SLC2A9: variants seen among roughly 807,000 people sequenced by gnomAD.
The protein encoded by SLC2A9 is solute carrier family 2 member 9, also known as solute carrier family 2, facilitated glucose transporter member 9.
In SLC2A9, 39 loss-of-function variants were observed where a neutral mutation model predicts 50.6. The observed-to-expected ratio is 0.77, with a 90% confidence interval of 0.60 to 1.01. The LOEUF (loss-of-function observed/expected upper bound fraction) is 1.01. Ranked by LOEUF, SLC2A9 falls within the 50% of genes least tolerant of loss-of-function variation. The pLI, the probability that SLC2A9 is intolerant of heterozygous loss-of-function variation, is 0.00. For synonymous variants in SLC2A9, 324 were observed against 276.9 expected, an observed-to-expected ratio of 1.17 and a Z score of -1.69; for missense variants, 686 against 677.6, an observed-to-expected ratio of 1.01 and a Z score of -0.14.
chr4:10,011,693 G>C (rs976236841), intron 2 of SLC2A9, among the ~76,000 whole-genome samples: 5 of 152,230 alleles, frequency 3.3e-5, no homozygotes, highest in Non-Finnish European at 7.3e-5. Context: ...TAAGTAGATG[G>C]ATAGACAGAA....
chr4:9,899,135 G>A (rs891802200), intron 8 of SLC2A9, among the ~76,000 whole-genome samples: 9 of 152,180 alleles, frequency 5.9e-5, no homozygotes, highest in Non-Finnish European at 1.3e-4. Flanking sequence ...GGCAAGATGT[G>A]GCCCAGATGA....
At chr4:9,975,397 T>C (rs1219208664) in intron 5 of SLC2A9, among the ~76,000 whole-genome samples, 2 of 151,802 alleles carry the variant, frequency 1.3e-5, no homozygotes, top group South Asian at 4.2e-4. Context: ...ACTTAAACAA[T>C]TGAACAAGCA....
At chr4:9,778,366 T>C (rs952227037), downstream of SLC2A9, among the ~76,000 whole-genome samples, 4 of 152,148 alleles carry the variant, frequency 2.6e-5, no homozygotes, top group African/African-American at 9.7e-5. Context: ...GTGATCCACC[T>C]GCTTCAGCCT....
intron 10 of SLC2A9, among the ~76,000 whole-genome samples, chr4:9,843,265 T>C (rs1176762993): frequency 1.3e-5 from 2 of 152,354 alleles, no homozygotes; most frequent in African/African-American, 4.8e-5. Context: ...ATGCCATCTA[T>C]TCCTTAAGTG....
At chr4:9,900,607 A>C (rs940609293) in intron 8 of SLC2A9, among the ~76,000 whole-genome samples, 16 of 152,148 alleles carry the variant, frequency 1.1e-4, no homozygotes, top group Non-Finnish European at 2.2e-4. Context: ...CATGAGGATA[A>C]CCTGTCATAA....
intron 2 of SLC2A9, among the ~76,000 whole-genome samples, chr4:10,010,335 G>T (rs115787217): frequency 6.6e-6 from 1 of 152,256 alleles, no homozygotes; most frequent in African/African-American, 2.4e-5. Context: ...ATTCTGATTC[G>T]TATCCTTTTT....
intron 3 of SLC2A9, 135 bp from the exon 4 acceptor site, chr4:9,985,928 G>A (rs755948729): frequency 6.0e-5 from 76 of 1,261,068 alleles, no homozygotes; most frequent in Admixed American, 3.6e-4. Context: ...AGGGAGCACT[G>A]GCCTTGCCAC....
At chr4:10,007,488 T>C (rs987416208) in intron 2 of SLC2A9, among the ~76,000 whole-genome samples, 1 of 152,356 alleles carries the variant, frequency 6.6e-6, no homozygotes, top group Middle Eastern at 3.4e-3. Context: ...TCAGCCACCT[T>C]TGCAGTGAGG....
rs76025320 is a variant in SLC2A9 at position 9,836,473 on chromosome 4, G to A, written c.1292-1465C>T. Among the ~76,000 whole-genome samples, 534 of 152,234 alleles carry A rather than the reference G, an allele frequency of 3.5e-3. 2 individuals carry two copies. Among genetic ancestry groups the A allele is most frequent in the African/African-American group, 0.011 (472 of 41,536 alleles). On this transcript the variant is annotated intron_variant, in intron 10 of 11. Coordinates refer to ENST00000264784, the MANE Select transcript of SLC2A9 (RefSeq NM_020041.3). ...GATTGAAGACGGGAAGGTGGCTCCTGAAGATCTGGGGAAGATCATGCCGAG... is the reference window on the plus strand; with the variant it reads ...GATTGAAGACGGGAAGGTGGCTCCTAAAGATCTGGGGAAGATCATGCCGAG...
intron 3 of SLC2A9, among the ~76,000 whole-genome samples, chr4:9,793,386 G>A (rs1190166753): frequency 2.0e-5 from 3 of 152,310 alleles, no homozygotes; most frequent in African/African-American, 4.8e-5. Context: ...ACTGTGCACC[G>A]TCGGTGGGGA....
At chr4:9,870,081 A>G (rs1022127281) in intron 10 of SLC2A9, among the ~76,000 whole-genome samples, 1 of 152,244 alleles carries the variant, frequency 6.6e-6, no homozygotes, top group Non-Finnish European at 1.5e-5. Flanking sequence ...GCCAAGGAGC[A>G]CTGGCAGCTG....
intron 7 of SLC2A9, 82 bp downstream of exon 7, chr4:9,920,303 C>T (rs1310045554): frequency 2.7e-5 from 39 of 1,471,608 alleles, no homozygotes; most frequent in Admixed American, 3.7e-5. Flanking sequence ...TGAACCTGGG[C>T]GTCTGGGGCC....
At chr4:9,941,360 T>G (rs1371787378) in intron 6 of SLC2A9, among the ~76,000 whole-genome samples, 1 of 152,154 alleles carries the variant, frequency 6.6e-6, no homozygotes, top group Non-Finnish European at 1.5e-5. Flanking sequence ...TTTTCTCCCC[T>G]GTAAAATGAG....
At position 10,036,709 on chromosome 4, in the gene SLC2A9, G is replaced by A. The variant is rs557719297; in HGVS notation, c.-41+3421C>T. ...CTACACACAGCTCTGTAGTGAGCACGTATGGGTAAATCATTCCTCCATCAT... is the reference window on the plus strand; with the variant it reads ...CTACACACAGCTCTGTAGTGAGCACATATGGGTAAATCATTCCTCCATCAT... On this transcript the variant is annotated intron_variant, in intron 1 of 12. Coordinates refer to the SLC2A9 transcript ENST00000309065. Among the ~76,000 whole-genome samples the A allele has an allele frequency of 5.8e-4, 89 of 152,310 alleles. 1 individual carries two copies. The South Asian group carries it at 0.017, about 29-fold the overall frequency.
rs537006308 is a variant in SLC2A9 at position 9,974,822 on chromosome 4, G to T, written c.681+5770C>A. Among the ~76,000 whole-genome samples the T allele has an allele frequency of 2.6e-5, 4 of 152,112 alleles. No individual in the cohort carries two copies. In the East Asian group the frequency reaches 7.7e-4, roughly 29 times the overall value. ...GCCATCCTAAGCAAAAAGAACAAAA[G>T]CCAGAGGCATCATATTACCTGACCT... On this transcript the variant is annotated intron_variant, in intron 5 of 11. Transcript: ENST00000264784.
At chr4:9,889,835 G>A (rs1206679614) in intron 9 of SLC2A9, among the ~76,000 whole-genome samples, 2 of 152,246 alleles carry the variant, frequency 1.3e-5, no homozygotes, top group African/African-American at 2.4e-5. Context: ...GCTGCCCTGA[G>A]CCATGCAGGG....
At chr4:9,780,406 C>G (rs34145578) in intron 3 of SLC2A9, among the ~76,000 whole-genome samples, 1 of 152,068 alleles carries the variant, frequency 6.6e-6, no homozygotes, top group Non-Finnish European at 1.5e-5. Flanking sequence ...GACAGATGGT[C>G]TTGCCCTCTC....
chr4:9,865,151 G>A (rs1176043805), intron 10 of SLC2A9, among the ~76,000 whole-genome samples: 2 of 152,242 alleles, frequency 1.3e-5, no homozygotes, highest in Non-Finnish European at 2.9e-5. Context: ...ATAGCCAGGA[G>A]TGATTTTGCC....
chr4:10,000,627 T>A (rs1470526892), intron 2 of SLC2A9, among the ~76,000 whole-genome samples: 2 of 152,176 alleles, frequency 1.3e-5, no homozygotes, highest in African/African-American at 4.8e-5. Flanking sequence ...GCTTTTCTAT[T>A]CATGCATGAC....
Sources: gnomAD v4.1 joint callset for allele counts (sites outside exome capture counted in the v4.1 genomes callset) on GRCh38, gnomAD v4.1.1 for gene constraint, MANE v1.5 for transcripts, NCBI Gene and HGNC (gene_info 2026-07-23, HGNC 2026-07-21) for gene names.